TOM1: variants seen among roughly 807,000 people sequenced by gnomAD.
The protein encoded by TOM1 is target of Myb protein 1.
Under a neutral mutation model 61.3 loss-of-function variants are expected in TOM1, and 38 were observed. The observed-to-expected ratio is 0.62, with a 90% CI of 0.48 to 0.81. The LOEUF (loss-of-function observed/expected upper bound fraction) is 0.81, where lower values mean the gene tolerates loss of function less well. TOM1 is among the 40% of genes least tolerant of loss of function. The probability of loss-of-function intolerance (pLI) is 0.00; values close to 1 mark genes in which losing one functional copy is unlikely to be tolerated. For synonymous variants in TOM1, 270 were observed against 268.8 expected (o/e 1.00, Z -0.04); for missense variants, 591 against 659.6 (o/e 0.90, Z 1.14).
intron 1 of TOM1, among the ~76,000 whole-genome samples, chr22:35,311,295 C>T (rs186726667): frequency 2.0e-5 from 3 of 152,322 alleles, no homozygotes; most frequent in East Asian, 3.9e-4. Flanking sequence ...ATATTAATCA[C>T]GAATACTTTG....
At chr22:35,327,747 G>C (rs1290019379) in intron 7 of TOM1, among the ~76,000 whole-genome samples, 1 of 152,194 alleles carries the variant, frequency 6.6e-6, no homozygotes, top group East Asian at 1.9e-4. Flanking sequence ...CTGAGAAAAA[G>C]CTGGAAGGTG....
chr22:35,327,233 C>A, intron 6 of TOM1, 38 bp from the exon 7 acceptor site: 1 of 1,593,690 alleles, frequency 6.3e-7, no homozygotes, highest in South Asian at 1.1e-5. Context: ...GGCCCCAGAA[C>A]CCTGGCTTCT....
chr22:35,322,122 T>G (rs1044265470), intron 3 of TOM1, 85 bp downstream of exon 3: 1 of 1,175,168 alleles, frequency 8.5e-7, no homozygotes, highest in Non-Finnish European at 1.3e-6. Context: ...ACTCCCAGCC[T>G]CCTCTGAGCT....
rs530639909 is a variant in TOM1, at chr22:35,302,127, A to G, written c.52+2147A>G. ...TGTGCAAAGAGAATGCTACTAAATC[A>G]TAATACCTTAAAGCACAAATGGAAT... On this transcript the variant is annotated intron_variant, in intron 1 of 14. Coordinates refer to ENST00000449058, the MANE Select transcript of TOM1 (RefSeq NM_005488.3). Among the ~76,000 whole-genome samples the G allele has an allele frequency of 2.4e-4, 37 of 152,272 alleles. No individual in the cohort carries two copies. The South Asian group carries it at 7.7e-3, about 32-fold the overall frequency.
At chr22:35,303,223 T>A (rs1184348554) in intron 1 of TOM1, among the ~76,000 whole-genome samples, 2 of 152,022 alleles carry the variant, frequency 1.3e-5, no homozygotes, top group African/African-American at 4.8e-5. Flanking sequence ...CAGATCACCC[T>A]TCAAAGTACA....
Position 35,322,234 on chromosome 22 carries a change from A to G in TOM1, c.216+197A>G, listed in dbSNP as rs565182681. 431 of 573,900 alleles carry G rather than the reference A, an allele frequency of 7.5e-4. 5 individuals carry two copies. Among genetic ancestry groups the G allele is most frequent in the South Asian group, 7.3e-3 (354 of 48,808 alleles). 35.6% of individuals were successfully genotyped at this position (573,900 alleles called of 1,614,324 possible). On this transcript the variant is annotated intron_variant, in intron 3 of 14. Coordinates refer to ENST00000449058, the MANE Select transcript of TOM1 (RefSeq NM_005488.3). ...AGGCCATTTGGAAAGGTTCTCCCCAATCCCCCAGCATGGGAACAGACGCTT... is the reference window on the plus strand; with the variant it reads ...AGGCCATTTGGAAAGGTTCTCCCCAGTCCCCCAGCATGGGAACAGACGCTT...
At chr22:35,338,643 C>G (rs571297996) in intron 11 of TOM1, 70 bp from the exon 12 acceptor site, 1 of 1,336,938 alleles carries the variant, frequency 7.5e-7, no homozygotes, top group African/African-American at 1.5e-5. Context: ...CTGTGCCCCC[C>G]AGCCCGCTCC....
chr22:35,340,616 G>A lies in TOM1; in HGVS notation c.1224+1828G>A, dbSNP rs920381102. Reference sequence around the variant, plus strand: ...TTAAAAATTATCCGGGCATGGTGGCGCACACCTTTAGTCCCAGCTACTCAG... The same window carrying A: ...TTAAAAATTATCCGGGCATGGTGGCACACACCTTTAGTCCCAGCTACTCAG... On this transcript the variant is annotated intron_variant, in intron 12 of 14. Coordinates refer to ENST00000449058, the MANE Select transcript of TOM1 (RefSeq NM_005488.3). 5.3e-5 allele frequency among the ~76,000 whole-genome samples: 8 copies of A among 152,250 alleles called. No homozygotes were observed. In the East Asian group the frequency reaches 7.7e-4, roughly 15 times the overall value.
At position 35,322,904 on chromosome 22, in the gene TOM1, C is replaced by G. The variant is rs1012414455; in HGVS notation, c.217-124C>G. 1.5e-5 allele frequency: 17 copies of G among 1,168,854 alleles called. No homozygotes were observed. The East Asian group carries it at 4.0e-4, about 27-fold the overall frequency. 72.4% of individuals were successfully genotyped at this position (1,168,854 alleles called of 1,614,324 possible). On this transcript the variant is annotated intron_variant, in intron 3 of 14. Transcript: ENST00000449058. Reference sequence around the variant, plus strand: ...TCCTCCACATTCAAGGGTCTCACTCCAGGAAGTCCCATCTCCTCTCCCGGG... The same window carrying G: ...TCCTCCACATTCAAGGGTCTCACTCGAGGAAGTCCCATCTCCTCTCCCGGG...
chr22:35,317,838 G>A (rs768543066), intron 1 of TOM1, 39 bp from the exon 2 acceptor site: 2 of 1,546,318 alleles, frequency 1.3e-6, no homozygotes, highest in African/African-American at 2.7e-5. Flanking sequence ...ACCCATTCAG[G>A]ACCCCCTCAT....
At chr22:35,340,824 C>A (rs567736352) in intron 12 of TOM1, among the ~76,000 whole-genome samples, 1 of 152,190 alleles carries the variant, frequency 6.6e-6, no homozygotes, top group African/African-American at 2.4e-5. Context: ...GTCTTCGTGA[C>A]CCCCAAGGGC....
intron 12 of TOM1, among the ~76,000 whole-genome samples, chr22:35,341,124 C>A (rs1929843811): frequency 6.6e-6 from 1 of 152,234 alleles, no homozygotes. Context: ...CCGGGCCAGG[C>A]CTGCACTAAG....
rs58551595 is a variant in TOM1 at position 35,321,222 on chromosome 22, G to T, written c.138-737G>T. ...AAAACATTATGCCTCCAGGTTATTTGTTCTTAAACTTGAGCATGCATAAGA... is the reference window on the plus strand; with the variant it reads ...AAAACATTATGCCTCCAGGTTATTTTTTCTTAAACTTGAGCATGCATAAGA... On this transcript the variant is annotated intron_variant, in intron 2 of 14. Transcript: ENST00000449058. Among the ~76,000 whole-genome samples the T allele has an allele frequency of 9.2e-3, 1,394 of 152,106 alleles. 15 individuals carry two copies. The highest frequency in any genetic ancestry group is 0.032 in the African/African-American group (1,342 of 41,528).
intron 12 of TOM1, among the ~76,000 whole-genome samples, chr22:35,343,785 C>T (rs1930239315): frequency 6.8e-6 from 1 of 147,690 alleles, no homozygotes; most frequent in Non-Finnish European, 1.5e-5. Context: ...CTACACACAC[C>T]ACACACCTAC....
chr22:35,330,289 A>G lies in TOM1; in HGVS notation c.766-58A>G. On this transcript the variant is annotated intron_variant, in intron 7 of 14. Coordinates refer to ENST00000449058, the MANE Select transcript of TOM1 (RefSeq NM_005488.3). ...AGAGCTCCGTCTCACAAAAAAAAAA[A>G]GAGACGGCCTCACTCTGAGTCATGT... The G allele has an allele frequency of 3.3e-6, 5 of 1,526,160 alleles. No homozygotes were observed. The Admixed American group carries it at 8.6e-5, about 26-fold the overall frequency. 94.5% of individuals were successfully genotyped at this position (1,526,160 alleles called of 1,614,324 possible).
rs1322046632 is a variant in TOM1, at chr22:35,334,105, G to A, written c.1028-223G>A. On this transcript the variant is annotated intron_variant, in intron 10 of 14. Transcript: ENST00000449058. The stretch of plus-strand genomic sequence containing the variant: ...GATAGCGTTTTGACTGTTCTCTAAC[G>A]CTCACAGCAGCCCCAAGAGGGGTGA... Among the ~76,000 whole-genome samples the A allele has an allele frequency of 6.6e-5, 10 of 152,262 alleles. No homozygotes were observed. The South Asian group carries it at 1.9e-3, about 28-fold the overall frequency.
intron 7 of TOM1, 29 bp from the exon 8 acceptor site, chr22:35,330,318 T>C (rs748271310): frequency 2.0e-5 from 31 of 1,589,662 alleles, no homozygotes; most frequent in African/African-American, 5.5e-5. Context: ...GTCATGTGAC[T>C]GTGGTTGCCT....
At chr22:35,339,192 G>A (rs745422726) in intron 12 of TOM1, among the ~76,000 whole-genome samples, 19 of 152,286 alleles carry the variant, frequency 1.2e-4, no homozygotes, top group Middle Eastern at 3.4e-3. Context: ...TTAGCTGGGC[G>A]TGGTGGCACA....
intron 11 of TOM1, 44 bp downstream of exon 11, chr22:35,334,492 C>T (rs1486987905): frequency 1.2e-6 from 2 of 1,610,016 alleles, no homozygotes; most frequent in East Asian, 2.2e-5. Flanking sequence ...GTTCGGGTGG[C>T]TCTCGGGGTT....
Sources: gnomAD v4.1 joint callset for allele counts (sites outside exome capture counted in the v4.1 genomes callset) on GRCh38, gnomAD v4.1.1 for gene constraint, MANE v1.5 for transcripts, NCBI Gene and HGNC (gene_info 2026-07-23, HGNC 2026-07-21) for gene names.